Variants in HCFC1 observed in about 807,000 individuals in gnomAD.
HCFC1 encodes host cell factor 1.
In HCFC1, 7 loss-of-function variants were observed where a neutral mutation model predicts 105.5. That is an observed-to-expected ratio of 0.07 (90% CI 0.04 to 0.12). The LOEUF (loss-of-function observed/expected upper bound fraction) is 0.12. Ranked by LOEUF, HCFC1 falls within the 10% of genes least tolerant of loss-of-function variation. HCFC1 has a pLI of 1.00. For missense variants in HCFC1, 1,065 were observed against 1,823.6 expected (o/e 0.58, Z 7.58); for synonymous variants, 918 against 828.1 (o/e 1.11, Z -1.86).
chrX:153,957,892 A>G lies in HCFC1; in HGVS notation c.2029-6T>C. ...ACTTTGCCCAGATTGGAAATCTAAAAAGGAAGGGATGGAGCAAGGAGTGAT... is the reference window on the plus strand; with the variant it reads ...ACTTTGCCCAGATTGGAAATCTAAAGAGGAAGGGATGGAGCAAGGAGTGAT... On this transcript the variant is annotated splice_region_variant and splice_polypyrimidine_tract_variant and intron_variant, in intron 11 of 25. Coordinates refer to ENST00000310441, the MANE Select transcript of HCFC1 (RefSeq NM_005334.3). The G allele has an allele frequency of 4.2e-6, 5 of 1,191,576 alleles. No individual in the cohort carries two copies. The highest frequency in any genetic ancestry group is 5.7e-6 in the Non-Finnish European group (5 of 877,145).
intron 16 of HCFC1, among the ~76,000 whole-genome samples, chrX:153,955,834 C>G (rs782773033): frequency 2.7e-5 from 3 of 112,955 alleles, no homozygotes; most frequent in Admixed American, 9.3e-5. Flanking sequence ...GAATGGAAAT[C>G]CCCCTCAATG....
chrX:153,961,438 G>A, intron 6 of HCFC1, 104 bp downstream of exon 6: 5 of 512,756 alleles, frequency 9.8e-6, no homozygotes, highest in South Asian at 2.9e-5. Flanking sequence ...AAAGGGAGCC[G>A]GGGGCCCAGC....
chrX:153,970,550 AGAGG>A (rs2065521134), intron 1 of HCFC1, 94 bp downstream of exon 1: 1 of 494,524 alleles, frequency 2.0e-6, no homozygotes, highest in Admixed American at 5.0e-5. Context: ...GGGAGGGAGG[AGAGG>A]GAGGGAGCAG....
chrX:153,965,508 G>A (rs1337396441), intron 1 of HCFC1, among the ~76,000 whole-genome samples: 6 of 112,780 alleles, frequency 5.3e-5, no homozygotes, highest in Non-Finnish European at 9.4e-5. Flanking sequence ...CTCACACCTG[G>A]CAGGCCAGGG....
In HCFC1 at chrX:153,955,161, A is replaced by G. The variant is rs782817100; in HGVS notation, c.3238T>C (p.Cys1080Arg). The G allele has an allele frequency of 4.1e-6, 5 of 1,209,562 alleles. No homozygotes were observed. The East Asian group carries it at 1.5e-4, about 36-fold the overall frequency. Residue 1080 changes from cysteine (C) to arginine (R), a missense_variant, in exon 17 of 26, where the codon TGC (cysteine) becomes CGC (arginine). This residue lies in a region of HCFC1 where 546 missense variants were observed against 599.9 expected (regional missense o/e 0.91). Coordinates refer to ENST00000310441, the MANE Select transcript of HCFC1 (RefSeq NM_005334.3). ...SVVRVCSNPP[C>R]ETHETGTTNT... ...GTGGTGCCCGTCTCGTGGGTCTCGC[A>G]GGGCGGGTTCGAACAGACTCGGACC...
chrX:153,966,273 C>T (rs1241640759), intron 1 of HCFC1, among the ~76,000 whole-genome samples: 1 of 112,375 alleles, frequency 8.9e-6, no homozygotes, highest in Non-Finnish European at 1.9e-5. Context: ...CACCACCGCT[C>T]CTCCTGAGGC....
In HCFC1 at chrX:153,950,948, C is replaced by G. The variant is rs1557112265; in HGVS notation, c.5568G>C (p.Leu1856=). The G allele has an allele frequency of 8.3e-7, 1 of 1,209,761 alleles. No individual in the cohort carries two copies. Among genetic ancestry groups the G allele is most frequent in the African/African-American group, 1.7e-5 (1 of 57,403 alleles). The change falls in exon 23 of 26, where the codon CTG becomes CTC. Residue 1856 remains leucine (L), a synonymous_variant. Coordinates refer to ENST00000310441, the MANE Select transcript of HCFC1 (RefSeq NM_005334.3). Reference sequence around the variant, plus strand: ...GAAACTTATAGGCTGTGCCTGGCTGCAGCTCCTGCTTCTTCAGCTGGTTAT... The same window carrying G: ...GAAACTTATAGGCTGTGCCTGGCTGGAGCTCCTGCTTCTTCAGCTGGTTAT... ...PDYNQLKKQE[L]QPGTAYKFRV...
intron 16 of HCFC1, among the ~76,000 whole-genome samples, 171 bp from the exon 17 acceptor site, chrX:153,955,713 G>A (rs782525249): frequency 2.7e-5 from 3 of 112,310 alleles, no homozygotes; most frequent in South Asian, 3.7e-4. Context: ...TTGCTCAGAG[G>A]CCAGGGAAGA....
At position 153,949,070 on chromosome X, in the gene HCFC1, A is replaced by C; in HGVS notation, c.*277T>G. ...CTCAGCTCCGCCTTCCCTCCCCGCA[A>C]AAGTCTCTCCCCAGGGTGGGCGGCA... On this transcript the variant is annotated 3_prime_UTR_variant, in exon 26 of 26. Coordinates refer to ENST00000310441, the MANE Select transcript of HCFC1 (RefSeq NM_005334.3). The C allele has an allele frequency of 2.0e-5, 5 of 249,484 alleles. No individual in the cohort carries two copies. Among genetic ancestry groups the C allele is most frequent in the East Asian group, 1.5e-4 (2 of 13,445 alleles). 20.6% of individuals were successfully genotyped at this position (249,484 alleles called of 1,213,427 possible).
At position 153,952,590 on chromosome X, in the gene HCFC1, G is replaced by A; in HGVS notation, c.4866C>T (p.Ala1622=). 3 of 1,206,961 alleles carry A rather than the reference G, an allele frequency of 2.5e-6. No homozygotes were observed. The highest frequency in any genetic ancestry group is 3.0e-5 in the East Asian group (1 of 33,766). ...LAVTAAAEAA[A]QAAATEEAQA... is the part of the protein sequence containing the mutation. The stretch of plus-strand genomic sequence containing the variant: ...GGGCTTCCTCCGTGGCTGCGGCCTG[G>A]GCAGCTGCTTCTGCAGCAGCCGTCA... Residue 1622 remains alanine (A), a synonymous_variant, in exon 19 of 26, where the codon GCC becomes GCT. Transcript: ENST00000310441.
At chrX:153,955,989 A>G (rs897000008) in intron 16 of HCFC1, among the ~76,000 whole-genome samples, 8 of 113,345 alleles carry the variant, frequency 7.1e-5, no homozygotes, top group African/African-American at 9.6e-5. Context: ...TGGCCAAACC[A>G]TGACAGCCAA....
rs2065408787 is a variant in HCFC1, at chrX:153,959,466, G to A, written c.1470C>T (p.Thr490=). ...GAGTTCCTGTTGTAGCCTGAGGACC[G>A]GTCACTTTGAGAACAGCAGGGACAC... The part of the protein sequence containing the change: ...TQGVPAVLKV[T]GPQATTGTPL... The change falls in exon 9 of 26, where the codon ACC becomes ACT. Residue 490 remains threonine (T), a synonymous_variant. Coordinates refer to ENST00000310441, the MANE Select transcript of HCFC1 (RefSeq NM_005334.3). The A allele has an allele frequency of 1.4e-5, 17 of 1,211,255 alleles. No individual in the cohort carries two copies. The highest frequency in any genetic ancestry group is 2.3e-4 in the Middle Eastern group (1 of 4,348).
chrX:153,951,804 C>T, intron 20 of HCFC1, 37 bp downstream of exon 20: 1 of 1,171,934 alleles, frequency 8.5e-7, no homozygotes, highest in Non-Finnish European at 1.1e-6. Flanking sequence ...CTGGGTGCCC[C>T]CACCACCCCA....
At position 153,949,571 on chromosome X, in the gene HCFC1, G is replaced by A. The variant is rs1557111898; in HGVS notation, c.6050C>T (p.Pro2017Leu). Residue 2017 changes from proline (P) to leucine (L), a missense_variant, in exon 25 of 26, where the codon CCC (proline) becomes CTC (leucine). By Grantham distance (98) the Pro-to-Leu change is moderately conservative (BLOSUM62 -3). Coordinates refer to ENST00000310441, the MANE Select transcript of HCFC1 (RefSeq NM_005334.3). ...TGCTTACATTTCTGGAGAGGACATG[G>A]GCCGCTTGTTGGCTGGCTTGGTGCC... The part of the protein sequence containing the change: ...SSGTKPANKR[P>L]MSSPEMKSAP... 1.7e-6 allele frequency: 2 copies of A among 1,211,162 alleles called. No individual in the cohort carries two copies. The highest frequency in any genetic ancestry group is 2.2e-6 in the Non-Finnish European group (2 of 894,796).
In HCFC1 at chrX:153,953,691, G is replaced by A. The variant is rs1557113341; in HGVS notation, c.4413C>T (p.Ala1471=). Residue 1471 remains alanine (A), a synonymous_variant, in exon 18 of 26, where the codon GCC becomes GCT. Coordinates refer to ENST00000310441, the MANE Select transcript of HCFC1 (RefSeq NM_005334.3). The part of the protein sequence containing the change: ...GDSVNITSSS[A]ITTTVSSTLT... ...GTGTGGAGGACACGGTTGTCGTGAT[G>A]GCACTGGAGCTGGTGATGTTCACGC... 4 of 1,210,765 alleles carry A rather than the reference G, an allele frequency of 3.3e-6. No homozygotes were observed. The highest frequency in any genetic ancestry group is 4.5e-6 in the Non-Finnish European group (4 of 894,743).
At position 153,959,839 on chromosome X, in the gene HCFC1, G is replaced by T; in HGVS notation, c.1407C>A (p.Gly469=). The change falls in exon 8 of 26, where the codon GGC becomes GGA. Residue 469 remains glycine (G), a synonymous_variant. Coordinates refer to ENST00000310441, the MANE Select transcript of HCFC1 (RefSeq NM_005334.3). The part of the protein sequence containing the change: ...TTIQVLPTVP[G]SSISVPTAAR... ...CTGCGGTGGGCACAGAAATGGAGCT[G>T]CCAGGCACCGTTGGCAAGACCTGGA... The T allele has an allele frequency of 8.5e-7, 1 of 1,183,326 alleles. No homozygotes were observed. Among genetic ancestry groups the T allele is most frequent in the Non-Finnish European group, 1.1e-6 (1 of 879,144 alleles).
chrX:153,956,004 C>T (rs1483950036), intron 16 of HCFC1, among the ~76,000 whole-genome samples, 187 bp downstream of exon 16: 1 of 113,247 alleles, frequency 8.8e-6, no homozygotes, highest in African/African-American at 3.2e-5. Flanking sequence ...AGCCAAACCA[C>T]GGACTATGAC....
intron 16 of HCFC1, 145 bp from the exon 17 acceptor site, chrX:153,955,687 C>T (rs781960962): frequency 5.3e-6 from 3 of 568,469 alleles, no homozygotes; most frequent in Admixed American, 4.2e-5. Context: ...CTCACCCCTG[C>T]CCCCAAGACA....
At chrX:153,966,916 G>C (rs1026392164) in intron 1 of HCFC1, among the ~76,000 whole-genome samples, 1 of 112,281 alleles carries the variant, frequency 8.9e-6, no homozygotes, top group Non-Finnish European at 1.9e-5. Flanking sequence ...TCAGTGAGCC[G>C]GTGGGCCAGG....
Sources: allele counts gnomAD v4.1 joint callset (sites outside exome capture counted in the v4.1 genomes callset), GRCh38; gene constraint gnomAD v4.1.1; regional missense constraint gnomAD v4.1.1; transcripts MANE v1.5; gene names NCBI Gene and HGNC (gene_info 2026-07-23, HGNC 2026-07-21).